TMEM132B: variants seen among roughly 807,000 people sequenced by gnomAD.
The protein encoded by TMEM132B is transmembrane protein 132B.
TMEM132B carries 18 observed loss-of-function variants against 90.8 expected under a neutral mutation model. The observed-to-expected ratio is 0.20, with a 90% CI of 0.14 to 0.29. The LOEUF (loss-of-function observed/expected upper bound fraction) is 0.29. Among genes scored for constraint, TMEM132B ranks in the 10% least tolerant of loss-of-function variants. The probability of loss-of-function intolerance (pLI) is 1.00; values close to 1 mark genes in which losing one functional copy is unlikely to be tolerated. For missense variants in TMEM132B, 1,096 were observed against 1,326.8 expected, an observed-to-expected ratio of 0.83 and a Z score of 2.70; for synonymous variants, 504 against 523.3, an observed-to-expected ratio of 0.96 and a Z score of 0.50.
intron 1 of TMEM132B, among the ~76,000 whole-genome samples, chr12:125,321,077 G>T (rs1365933274): frequency 6.6e-6 from 1 of 152,208 alleles, no homozygotes; most frequent in Non-Finnish European, 1.5e-5. Context: ...GTATGCATTG[G>T]TCTTGCCTGT....
chr12:125,485,713 C>T (rs1416227372), intron 3 of TMEM132B, among the ~76,000 whole-genome samples: 1 of 152,164 alleles, frequency 6.6e-6, no homozygotes, highest in African/African-American at 2.4e-5. Context: ...GGTATATTCT[C>T]CGGAAGCTTT....
chr12:125,642,292 C>T (rs1593040127), intron 5 of TMEM132B, among the ~76,000 whole-genome samples: 3 of 152,196 alleles, frequency 2.0e-5, no homozygotes, highest in Admixed American at 2.0e-4. Context: ...TGATTATTCT[C>T]TTTACAGTCC....
Position 125,629,707 on chromosome 12 carries a change from G to C in TMEM132B, c.1438-14369G>C, listed in dbSNP as rs1348264435. Among the ~76,000 whole-genome samples, 5 of 152,074 alleles carry C rather than the reference G, an allele frequency of 3.3e-5. No homozygotes were observed. In the East Asian group the frequency reaches 9.6e-4, roughly 29 times the overall value. On this transcript the variant is annotated intron_variant, in intron 5 of 8. Coordinates refer to ENST00000682704, the MANE Select transcript of TMEM132B (RefSeq NM_001366854.1). ...AACAGTGGTAAAAGTGGGCATCCCT[G>C]TCATGTTCCACATCTCAGAGGAAGG...
intron 1 of TMEM132B, among the ~76,000 whole-genome samples, chr12:125,274,979 A>G (rs187214580): frequency 6.6e-6 from 1 of 152,320 alleles, no homozygotes; most frequent in East Asian, 1.9e-4. Context: ...AAATAACAAA[A>G]TTACAATAAT....
intron 1 of TMEM132B, among the ~76,000 whole-genome samples, chr12:125,299,860 G>C (rs1470746884): frequency 1.3e-5 from 2 of 152,210 alleles, no homozygotes; most frequent in Middle Eastern, 3.2e-3. Context: ...TTGCCCTGCT[G>C]TCTGTCCACA....
intron 3 of TMEM132B, among the ~76,000 whole-genome samples, chr12:125,434,115 G>A (rs903444553): frequency 2.0e-5 from 3 of 152,114 alleles, no homozygotes; most frequent in Admixed American, 6.5e-5. Context: ...CAGCTCTCTG[G>A]GAGGGTCTGT....
chr12:125,457,834 T>G (rs915868788), intron 3 of TMEM132B, among the ~76,000 whole-genome samples: 2 of 152,132 alleles, frequency 1.3e-5, no homozygotes, highest in African/African-American at 4.8e-5. Context: ...TAGGTGAACA[T>G]GATGCAGAAG....
intron 4 of TMEM132B, among the ~76,000 whole-genome samples, chr12:125,519,862 T>C (rs1883264058): frequency 6.6e-6 from 1 of 152,220 alleles, no homozygotes; most frequent in Non-Finnish European, 1.5e-5. Flanking sequence ...GGGGAGCCCT[T>C]ATTCTTTATT....
intron 1 of TMEM132B, among the ~76,000 whole-genome samples, chr12:125,347,537 A>G (rs1344429176): frequency 5.3e-5 from 8 of 152,220 alleles, no homozygotes; most frequent in Non-Finnish European, 8.8e-5. Context: ...AATCAATAGA[A>G]GCTATATTTT....
intron 3 of TMEM132B, among the ~76,000 whole-genome samples, chr12:125,448,851 A>G (rs746379986): frequency 2.0e-5 from 3 of 152,126 alleles, no homozygotes; most frequent in African/African-American, 7.2e-5. Flanking sequence ...TCAGTCTTCA[A>G]TTTTAGCCAT....
intron 2 of TMEM132B, among the ~76,000 whole-genome samples, chr12:125,394,933 G>A (rs1879128904): frequency 6.6e-6 from 1 of 152,064 alleles, no homozygotes; most frequent in African/African-American, 2.4e-5. Flanking sequence ...TTATCAATTG[G>A]GTACAATGTT....
intron 1 of TMEM132B, among the ~76,000 whole-genome samples, chr12:125,203,058 A>AGGTTG: frequency 6.6e-6 from 1 of 152,266 alleles, no homozygotes; most frequent in East Asian, 1.9e-4. Context: ...ACTGAAATCT[A>AGGTTG]GGTTGGAGAA....
intron 4 of TMEM132B, among the ~76,000 whole-genome samples, chr12:125,557,413 C>T (rs1884416684): frequency 6.6e-6 from 1 of 152,118 alleles, no homozygotes; most frequent in Non-Finnish European, 1.5e-5. Context: ...CAAATGGGTT[C>T]TGATAGCATG....
rs1566101991 is a variant in TMEM132B, at chr12:125,650,821, G to T, written c.1782G>T (p.Met594Ile). ...ESPDLGQLTY[M>I]LGPDWQFDIT... Reference sequence around the variant, plus strand: ...CTGACTTAGGGCAGCTGACCTACATGCTGGGCCCCGACTGGCAGTTTGACA... The same window carrying T: ...CTGACTTAGGGCAGCTGACCTACATTCTGGGCCCCGACTGGCAGTTTGACA... The change falls in exon 7 of 9, where the codon ATG (methionine) becomes ATT (isoleucine). Residue 594 changes from methionine to isoleucine, a missense_variant. By Grantham distance (10) the Met-to-Ile change is conservative. Transcript: ENST00000682704. 3.7e-6 allele frequency: 6 copies of T among 1,614,234 alleles called. No individual in the cohort carries two copies. Among genetic ancestry groups the T allele is most frequent in the Non-Finnish European group, 5.1e-6 (6 of 1,180,044 alleles).
intron 1 of TMEM132B, among the ~76,000 whole-genome samples, chr12:125,249,942 G>C (rs1034285050): frequency 2.6e-5 from 4 of 152,198 alleles, no homozygotes; most frequent in African/African-American, 4.8e-5. Flanking sequence ...CAGTCTGGGG[G>C]ACAGGCCAGT....
In TMEM132B at chr12:125,349,114, A is replaced by T. The variant is rs975310840; in HGVS notation, c.68-338A>T. Among the ~76,000 whole-genome samples, 1 of 152,156 alleles carries T rather than the reference A, an allele frequency of 6.6e-6. No homozygotes were observed. The highest frequency in any genetic ancestry group is 1.5e-5 in the Non-Finnish European group (1 of 68,024). ...AGACTTGGTAGGTACGCAACCTTTT[A>T]TCTGTGGGGTAGATGAACAACGATG... On this transcript the variant is annotated intron_variant, in intron 1 of 8. Transcript: ENST00000682704. The surrounding 1 kb of genome is among the most constrained non-coding windows in gnomAD (Gnocchi z 4.1).
chr12:125,216,879 C>G lies in TMEM132B; in HGVS notation c.67+30013C>G, dbSNP rs142177076. Among the ~76,000 whole-genome samples the G allele has an allele frequency of 6.8e-3, 1,036 of 152,312 alleles. 11 individuals carry two copies. The highest frequency in any genetic ancestry group is 0.024 in the African/African-American group (993 of 41,572). On this transcript the variant is annotated intron_variant, in intron 1 of 8. Transcript: ENST00000682704. Reference sequence around the variant, plus strand: ...TGGCCGGAGGCATCGAGCAGCTCCTCCATTATCCGCATGCCTCCTGCGTGG... The same window carrying G: ...TGGCCGGAGGCATCGAGCAGCTCCTGCATTATCCGCATGCCTCCTGCGTGG...
At chr12:125,200,946 C>T (rs1004586550) in intron 1 of TMEM132B, among the ~76,000 whole-genome samples, 3 of 152,228 alleles carry the variant, frequency 2.0e-5, no homozygotes, top group Non-Finnish European at 4.4e-5. Context: ...GAGCTTTGAT[C>T]TTAGAATAGG....
chr12:125,264,828 G>A (rs775740477), intron 1 of TMEM132B, among the ~76,000 whole-genome samples: 13 of 152,148 alleles, frequency 8.5e-5, no homozygotes, highest in African/African-American at 1.9e-4. Flanking sequence ...ACACCCAAAC[G>A]CATGTGCATA....
Sources: gnomAD v4.1 joint callset for allele counts (sites outside exome capture counted in the v4.1 genomes callset) on GRCh38, gnomAD v4.1.1 for gene constraint, Gnocchi (gnomAD v3.1) non-coding constraint, MANE v1.5 for transcripts, NCBI Gene and HGNC (gene_info 2026-07-23, HGNC 2026-07-21) for gene names.